Variants in ARHGAP5 observed in about 807,000 individuals in gnomAD.
ARHGAP5 encodes the protein Rho GTPase activating protein 5, also known as rho GTPase-activating protein 5.
Under a neutral mutation model 116.6 loss-of-function variants are expected in ARHGAP5, and 23 were observed. That is an observed-to-expected ratio of 0.20 (90% CI 0.14 to 0.28). The LOEUF (loss-of-function observed/expected upper bound fraction) is 0.28, where lower values mean the gene tolerates loss of function less well. Among genes scored for constraint, ARHGAP5 ranks in the 10% least tolerant of loss-of-function variants. The pLI is 1.00. For synonymous variants in ARHGAP5, 574 were observed against 602.0 expected (o/e 0.95, Z 0.68); for missense variants, 1,405 against 1,774.8 (o/e 0.79, Z 3.74).
At chr14:32,134,026 G>A (rs1259616126) in intron 3 of ARHGAP5, among the ~76,000 whole-genome samples, 1 of 152,060 alleles carries the variant, frequency 6.6e-6, no homozygotes, top group East Asian at 1.9e-4. Flanking sequence ...CTAAAAAAGG[G>A]AATTTTAGAC....
chr14:32,110,777 A>G (rs979631156), intron 2 of ARHGAP5, among the ~76,000 whole-genome samples: 2 of 152,196 alleles, frequency 1.3e-5, no homozygotes, highest in African/African-American at 4.8e-5. Flanking sequence ...GGAGTTAACA[A>G]TGAAGATGGT....
At chr14:32,111,606 T>C (rs1321313393) in intron 2 of ARHGAP5, among the ~76,000 whole-genome samples, 2 of 152,092 alleles carry the variant, frequency 1.3e-5, no homozygotes, top group Non-Finnish European at 2.9e-5. Flanking sequence ...CAAAAGGGAG[T>C]ATAAGATTGA....
chr14:32,143,239 G>GTTGTTATTA (rs1456165613), intron 3 of ARHGAP5, among the ~76,000 whole-genome samples: 171 of 143,972 alleles, frequency 1.2e-3, no homozygotes, highest in African/African-American at 3.6e-3. Context: ...TGTTGTTGTT[G>GTTGTTATTA]TTATTATTAT....
intron 1 of ARHGAP5, among the ~76,000 whole-genome samples, chr14:32,087,122 C>G (rs190897515): frequency 1.3e-5 from 2 of 151,738 alleles, no homozygotes; most frequent in Non-Finnish European, 2.9e-5. Flanking sequence ...TTTAAGTTAA[C>G]TCAAACAGCC....
At chr14:32,148,208 A>ATCTATCTG (rs1566685074) in intron 4 of ARHGAP5, among the ~76,000 whole-genome samples, 1 of 149,220 alleles carries the variant, frequency 6.7e-6, no homozygotes, top group Non-Finnish European at 1.5e-5. Flanking sequence ...CTATCTATCT[A>ATCTATCTG]TCTATGTATA....
rs1881838319 is a variant in ARHGAP5, at chr14:32,155,161, C to G, written c.*213C>G. The stretch of plus-strand genomic sequence containing the variant: ...ACTGGAGAGGTTTAATTTTTATAAA[C>G]AAAAATAGCTATAAAGTACAAAGCT... On this transcript the variant is annotated 3_prime_UTR_variant, in exon 7 of 7. Coordinates refer to ENST00000345122, the MANE Select transcript of ARHGAP5 (RefSeq NM_001030055.2). The G allele has an allele frequency of 1.9e-6, 1 of 518,122 alleles. No homozygotes were observed. Among genetic ancestry groups the G allele is most frequent in the Admixed American group, 3.4e-5 (1 of 29,248 alleles). 32.1% of individuals were successfully genotyped at this position (518,122 alleles called of 1,614,324 possible).
At chr14:32,077,520 T>C (rs1236698756) in intron 1 of ARHGAP5, 85 bp downstream of exon 1, 4 of 645,392 alleles carry the variant, frequency 6.2e-6, no homozygotes, top group Non-Finnish European at 1.1e-5. Flanking sequence ...CCCCGCTCGG[T>C]CGCCGCTGCC....
At chr14:32,151,531 T>G (rs1368937426) in intron 5 of ARHGAP5, among the ~76,000 whole-genome samples, 1 of 152,268 alleles carries the variant, frequency 6.6e-6, no homozygotes, top group Non-Finnish European at 1.5e-5. Context: ...TGGCAGACTT[T>G]TAAGCTGAGA....
chr14:32,098,985 A>T (rs1414887319), intron 2 of ARHGAP5, among the ~76,000 whole-genome samples: 1 of 152,202 alleles, frequency 6.6e-6, no homozygotes, highest in African/African-American at 2.4e-5. Flanking sequence ...ACCGTTTAGT[A>T]TATTACAGTA....
chr14:32,156,652 G>T lies in ARHGAP5; in HGVS notation c.*1704G>T, dbSNP rs1345820356. 1 of 152,240 alleles carries T rather than the reference G, an allele frequency of 6.6e-6. No individual in the cohort carries two copies. Among genetic ancestry groups the T allele is most frequent in the Non-Finnish European group, 1.5e-5 (1 of 67,784 alleles). 9.4% of individuals were successfully genotyped at this position (152,240 alleles called of 1,614,324 possible). A position where few individuals can be genotyped will look rare whatever the true frequency, so the allele number is the denominator to read the frequency against. On this transcript the variant is annotated 3_prime_UTR_variant, in exon 7 of 7. Transcript: ENST00000345122. Reference sequence around the variant, plus strand: ...ATTTTTAAAAAAAAATCCGGTAAATGTAGTATTCTTAACCTGTTCTATATT... The same window carrying T: ...ATTTTTAAAAAAAAATCCGGTAAATTTAGTATTCTTAACCTGTTCTATATT...
At chr14:32,094,472 C>A in intron 2 of ARHGAP5, 86 bp downstream of exon 2, 2 of 997,154 alleles carry the variant, frequency 2.0e-6, no homozygotes, top group Non-Finnish European at 3.0e-6. Context: ...AGAATTTAGT[C>A]TCATTCATTC....
chr14:32,116,609 TAAAATA>T (rs1285495076), intron 2 of ARHGAP5, among the ~76,000 whole-genome samples: 3 of 151,168 alleles, frequency 2.0e-5, no homozygotes, highest in Admixed American at 1.3e-4. Flanking sequence ...AGTAAATAAA[TAAAATA>T]AAAATAAAAA....
chr14:32,086,574 T>TATA (rs139482524), intron 1 of ARHGAP5, among the ~76,000 whole-genome samples: 2,290 of 150,958 alleles, frequency 0.015, 80 homozygotes, highest in African/African-American at 0.053. Flanking sequence ...CCTGACATGG[T>TATA]ATAATTTAAA....
intron 1 of ARHGAP5, among the ~76,000 whole-genome samples, chr14:32,087,887 C>A (rs754128656): frequency 3.9e-5 from 6 of 151,908 alleles, no homozygotes; most frequent in Non-Finnish European, 7.4e-5. Flanking sequence ...TAAATTTTAG[C>A]CTCATTATAG....
At chr14:32,133,351 T>C (rs1200116512) in intron 3 of ARHGAP5, among the ~76,000 whole-genome samples, 1 of 152,226 alleles carries the variant, frequency 6.6e-6, no homozygotes, top group Non-Finnish European at 1.5e-5. Context: ...GAAGCAATTG[T>C]GAATGGGAGT....
chr14:32,132,367 G>T (rs1450277287), intron 3 of ARHGAP5, among the ~76,000 whole-genome samples: 1 of 152,140 alleles, frequency 6.6e-6, no homozygotes, highest in African/African-American at 2.4e-5. Context: ...GTGTTTTCTG[G>T]CTGCATAAAT....
intron 6 of ARHGAP5, 39 bp from the exon 7 acceptor site, chr14:32,154,582 G>A (rs762666562): frequency 6.2e-6 from 9 of 1,460,172 alleles, no homozygotes; most frequent in Non-Finnish European, 8.5e-6. Context: ...ATTGTAATGA[G>A]TTTTGATTTC....
chr14:32,140,058 T>TTC lies in ARHGAP5; in HGVS notation c.3866-6197_3866-6196dup, dbSNP rs200484738. On this transcript the variant is annotated intron_variant, in intron 3 of 6. Transcript: ENST00000345122. ...TTTCTTTTGTATATTCCACTTCCTT[T>TTC]TCTCTCTCTTTTTTTTTTTTTTTTT... 5.4e-4 allele frequency among the ~76,000 whole-genome samples: 79 copies of TTC among 147,514 alleles called. 3 individuals are homozygous for TTC. The highest frequency in any genetic ancestry group is 1.8e-3 in the African/African-American group (71 of 40,434).
At chr14:32,133,028 C>T (rs1001078090) in intron 3 of ARHGAP5, among the ~76,000 whole-genome samples, 1 of 152,112 alleles carries the variant, frequency 6.6e-6, no homozygotes, top group Non-Finnish European at 1.5e-5. Flanking sequence ...GTGATGCCTC[C>T]AGCTTTGTTC....
Sources: gnomAD v4.1 joint callset for allele counts (sites outside exome capture counted in the v4.1 genomes callset) on GRCh38, gnomAD v4.1.1 for gene constraint, MANE v1.5 for transcripts, NCBI Gene and HGNC (gene_info 2026-07-23, HGNC 2026-07-21) for gene names.